The following KANSL3 variants were observed in gnomAD, a reference collection of about 807,000 sequenced individuals.
KANSL3 encodes the protein NSL complex protein NSL3.
A neutral mutation model predicts 89.2 loss-of-function variants in KANSL3; 16 were observed. That is an observed-to-expected ratio of 0.18 (90% CI 0.12 to 0.27). KANSL3 has a LOEUF of 0.27. Ranked by LOEUF, KANSL3 falls within the 10% of genes least tolerant of loss-of-function variation. The pLI, the probability that KANSL3 is intolerant of heterozygous loss-of-function variation, is 1.00. For synonymous variants in KANSL3, 385 were observed against 419.7 expected (o/e 0.92, Z 1.01); for missense variants, 879 against 1,110.6 (o/e 0.79, Z 2.96).
intron 2 of KANSL3, among the ~76,000 whole-genome samples, chr2:96,633,755 C>G (rs2073849237): frequency 6.6e-6 from 1 of 152,056 alleles, no homozygotes; most frequent in African/African-American, 2.4e-5. Context: ...GTCCCAGCTA[C>G]TTGGGAGACT....
intron 20 of KANSL3, among the ~76,000 whole-genome samples, chr2:96,595,887 C>T (rs1425308681): frequency 6.6e-6 from 1 of 152,188 alleles, no homozygotes; most frequent in Non-Finnish European, 1.5e-5. Flanking sequence ...TTTTCCTCGC[C>T]TGTAAGAGGT....
intron 12 of KANSL3, 79 bp from the exon 13 acceptor site, chr2:96,609,143 A>G: frequency 3.1e-6 from 4 of 1,270,878 alleles, no homozygotes; most frequent in Non-Finnish European, 4.4e-6. Context: ...TTCCAACTAA[A>G]ACAGATTCTC....
chr2:96,599,289 A>G (rs1425307978), intron 20 of KANSL3, among the ~76,000 whole-genome samples: 1 of 152,214 alleles, frequency 6.6e-6, no homozygotes, highest in Non-Finnish European at 1.5e-5. Flanking sequence ...AGAAAACACA[A>G]AGAGAGAGTT....
At chr2:96,604,117 G>A in intron 17 of KANSL3, 133 bp downstream of exon 17, 1 of 964,666 alleles carries the variant, frequency 1.0e-6, no homozygotes, top group Non-Finnish European at 1.4e-6. Flanking sequence ...TTCACGTCAA[G>A]CCTCTATGAT....
intron 3 of KANSL3, among the ~76,000 whole-genome samples, chr2:96,620,174 G>A (rs1245898386): frequency 6.6e-6 from 1 of 152,154 alleles, no homozygotes; most frequent in Non-Finnish European, 1.5e-5. Flanking sequence ...AAGGCAGACA[G>A]GATCAGCAAG....
At chr2:96,622,218 G>T (rs1427881830) in intron 3 of KANSL3, among the ~76,000 whole-genome samples, 1 of 152,136 alleles carries the variant, frequency 6.6e-6, no homozygotes, top group Non-Finnish European at 1.5e-5. Context: ...GGGCTCAGGA[G>T]TTTGAGACCA....
the KANSL3 span, among the ~76,000 whole-genome samples, chr2:96,583,362 G>GT: frequency 2.6e-5 from 4 of 152,168 alleles, no homozygotes; most frequent in Non-Finnish European, 5.9e-5. Flanking sequence ...ATACATCCTT[G>GT]TAATGTCCAT....
At chr2:96,625,280 G>A (rs1426789856) in intron 3 of KANSL3, among the ~76,000 whole-genome samples, 2 of 152,070 alleles carry the variant, frequency 1.3e-5, no homozygotes, top group Non-Finnish European at 2.9e-5. Context: ...AGGTATAAAG[G>A]ACCTGTAGCA....
chr2:96,583,885 ATTG>A, the KANSL3 span, among the ~76,000 whole-genome samples: 28 of 152,254 alleles, frequency 1.8e-4, 1 homozygote, highest in East Asian at 4.8e-3. Flanking sequence ...AACACTCGGT[ATTG>A]TTGTTAATTT....
At chr2:96,598,078 T>TA (rs1209464877) in intron 20 of KANSL3, 12 of 985,172 alleles carry the variant, frequency 1.2e-5, no homozygotes, top group Non-Finnish European at 1.4e-5. Flanking sequence ...TGAGACGGAT[T>TA]ACCTAACACA....
intron 2 of KANSL3, among the ~76,000 whole-genome samples, chr2:96,634,528 A>G (rs972505578): frequency 6.6e-6 from 1 of 151,904 alleles, no homozygotes; most frequent in African/African-American, 2.4e-5. Flanking sequence ...AAAAAAAAAG[A>G]AAGTAAGAAA....
At chr2:96,601,425 C>T (rs2067169145) in intron 20 of KANSL3, 2 of 985,394 alleles carry the variant, frequency 2.0e-6, no homozygotes, top group South Asian at 4.7e-5. Context: ...AACATATGTA[C>T]TCTTCACAAT....
intron 5 of KANSL3, among the ~76,000 whole-genome samples, chr2:96,618,492 G>A (rs2070646876): frequency 6.6e-6 from 1 of 152,220 alleles, no homozygotes; most frequent in African/African-American, 2.4e-5. Flanking sequence ...GCCCGGCCGT[G>A]AGGCCATTTT....
At chr2:96,624,946 C>T (rs948778809) in intron 3 of KANSL3, among the ~76,000 whole-genome samples, 2 of 152,118 alleles carry the variant, frequency 1.3e-5, no homozygotes, top group Non-Finnish European at 2.9e-5. Flanking sequence ...TGGCTCATGC[C>T]TGTAATCCCA....
At chr2:96,587,122 G>A in the KANSL3 span, among the ~76,000 whole-genome samples, 3 of 152,172 alleles carry the variant, frequency 2.0e-5, no homozygotes, top group Non-Finnish European at 4.4e-5. Flanking sequence ...AGTTTTTGGG[G>A]GGTGGTGTTG....
chr2:96,608,819 G>C (rs1359565584), intron 13 of KANSL3, 45 bp downstream of exon 13: 2 of 1,514,696 alleles, frequency 1.3e-6, no homozygotes, highest in Non-Finnish European at 1.8e-6. Flanking sequence ...CCAACTCTGT[G>C]GTGCTGATTC....
At chr2:96,612,186 G>C in intron 9 of KANSL3, 96 bp downstream of exon 9, 1 of 850,394 alleles carries the variant, frequency 1.2e-6, no homozygotes, top group Non-Finnish European at 2.0e-6. Context: ...AAAGTATCTA[G>C]CGCAGAGCCT....
intron 2 of KANSL3, 179 bp from the exon 3 acceptor site, chr2:96,631,661 C>T (rs2073412339): frequency 1.4e-6 from 1 of 723,226 alleles, no homozygotes. Context: ...TAGATCTCTG[C>T]CCTCTCAGAC....
chr2:96,622,392 A>G (rs1345193060), intron 3 of KANSL3, among the ~76,000 whole-genome samples: 1 of 151,978 alleles, frequency 6.6e-6, no homozygotes, highest in Non-Finnish European at 1.5e-5. Context: ...ACGGGGCGAC[A>G]GAACAAGACC....
Sources: gnomAD v4.1 joint callset for allele counts (sites outside exome capture counted in the v4.1 genomes callset) on GRCh38, gnomAD v4.1.1 for gene constraint, MANE v1.5 for transcripts, NCBI Gene and HGNC (gene_info 2026-07-23, HGNC 2026-07-21) for gene names.